Variants in GRM3 observed in about 807,000 individuals in gnomAD.
GRM3 encodes the protein glutamate metabotropic receptor 3.
A neutral mutation model predicts 70.5 loss-of-function variants in GRM3; 26 were observed. The ratio of observed to expected loss-of-function variants is 0.37; its 90% CI spans 0.27 to 0.51. The LOEUF (loss-of-function observed/expected upper bound fraction) is 0.51, where lower values mean the gene tolerates loss of function less well. GRM3 is among the 20% of genes least tolerant of loss of function. The pLI is 0.93. For synonymous variants in GRM3, 443 were observed against 434.9 expected (o/e 1.02, Z -0.23); for missense variants, 859 against 1,123.8 (o/e 0.76, Z 3.37).
intron 3 of GRM3, among the ~76,000 whole-genome samples, chr7:86,807,899 A>C (rs1797828947): frequency 6.6e-6 from 1 of 152,132 alleles, no homozygotes; most frequent in Non-Finnish European, 1.5e-5. Flanking sequence ...AATAGCTCTT[A>C]TTATTTTGAG....
chr7:86,648,013 C>A (rs1793517380), intron 1 of GRM3, among the ~76,000 whole-genome samples: 1 of 152,192 alleles, frequency 6.6e-6, no homozygotes, highest in African/African-American at 2.4e-5. Context: ...CTATTATAAA[C>A]CTTCTGGACT....
chr7:86,816,601 A>G (rs1798021256), intron 3 of GRM3, among the ~76,000 whole-genome samples: 1 of 151,878 alleles, frequency 6.6e-6, no homozygotes, highest in African/African-American at 2.4e-5. Context: ...ACCTCCATCC[A>G]TATTACTGCA....
At position 86,763,476 on chromosome 7, in the gene GRM3, T is replaced by C. The variant is rs115312513; in HGVS notation, c.-140-1530T>C. Among the ~76,000 whole-genome samples the C allele has an allele frequency of 6.9e-3, 1,049 of 152,258 alleles. 10 individuals carry two copies. Among genetic ancestry groups the C allele is most frequent in the African/African-American group, 0.024 (1,002 of 41,554 alleles). On this transcript the variant is annotated intron_variant, in intron 1 of 5. Transcript: ENST00000361669. ...GTCAAAGAATTCAACAGCAGGTACA[T>C]AGGTTCATGTGTGCATGCAACTAGA...
In GRM3 at chr7:86,786,215, T is replaced by A; in HGVS notation, c.469-46T>A. The A allele has an allele frequency of 6.5e-7, 1 of 1,542,486 alleles. No individual in the cohort carries two copies. Among genetic ancestry groups the A allele is most frequent in the South Asian group, 1.2e-5 (1 of 81,216 alleles). ...TATTATTCATTTTCATGTCCAGTCA[T>A]CTACCTCGGGGTTTCTAACAAAGGT... On this transcript the variant is annotated intron_variant, in intron 2 of 5. Coordinates refer to ENST00000361669, the MANE Select transcript of GRM3 (RefSeq NM_000840.3). This position sits in a 1 kb window ranked among gnomAD's most constrained non-coding sequence, Gnocchi z 6.0.
chr7:86,645,589 T>A (rs570447054), intron 1 of GRM3, among the ~76,000 whole-genome samples: 1 of 152,336 alleles, frequency 6.6e-6, no homozygotes, highest in South Asian at 2.1e-4. Context: ...GCTTGTTTCT[T>A]AAGGATTTCA....
chr7:86,713,044 A>G (rs577958464), intron 1 of GRM3, among the ~76,000 whole-genome samples: 3 of 151,972 alleles, frequency 2.0e-5, no homozygotes, highest in Admixed American at 6.6e-5. Flanking sequence ...TTTTTGAGGA[A>G]CCTCTATACT....
At chr7:86,775,390 A>G (rs571749648) in intron 2 of GRM3, 2 of 152,230 alleles carry the variant, frequency 1.3e-5, no homozygotes, top group African/African-American at 4.8e-5. Flanking sequence ...CTTTATATTT[A>G]TATTATCAAC....
intron 1 of GRM3, among the ~76,000 whole-genome samples, chr7:86,672,313 G>C (rs747127753): frequency 6.6e-6 from 1 of 152,106 alleles, no homozygotes; most frequent in South Asian, 2.1e-4. Context: ...CACAGATACT[G>C]CCTTGGCCCC....
chr7:86,688,806 C>G (rs1442111635), intron 1 of GRM3, among the ~76,000 whole-genome samples: 1 of 146,204 alleles, frequency 6.8e-6, no homozygotes, highest in Non-Finnish European at 1.5e-5. Context: ...ATATATCTCT[C>G]ACACATATGA....
chr7:86,691,448 A>G (rs1454671060), intron 1 of GRM3, among the ~76,000 whole-genome samples: 5 of 152,210 alleles, frequency 3.3e-5, no homozygotes, highest in Non-Finnish European at 7.3e-5. Context: ...TAACTCATCA[A>G]TGAGAGAACC....
Position 86,739,809 on chromosome 7 carries a change from A to G in GRM3, c.-140-25197A>G, listed in dbSNP as rs113890453. Among the ~76,000 whole-genome samples, 852 of 152,316 alleles carry G rather than the reference A, an allele frequency of 5.6e-3. 15 individuals carry two copies. Among genetic ancestry groups the G allele is most frequent in the African/African-American group, 0.019 (805 of 41,576 alleles). The stretch of plus-strand genomic sequence containing the variant: ...AAAATGTCCATTTAGAAGACAGGAA[A>G]GAAAGATTATCTAAGGCTCAAGAGT... On this transcript the variant is annotated intron_variant, in intron 1 of 5. Coordinates refer to ENST00000361669, the MANE Select transcript of GRM3 (RefSeq NM_000840.3).
chr7:86,768,489 T>C (rs897444060), intron 2 of GRM3, among the ~76,000 whole-genome samples: 3 of 152,150 alleles, frequency 2.0e-5, no homozygotes, highest in Non-Finnish European at 4.4e-5. Flanking sequence ...TGGTTATGGG[T>C]ACAATGTGCT....
chr7:86,785,685 A>ATTTTTTTTTTTTTTTTTTTTTTT (rs749456155), intron 2 of GRM3, among the ~76,000 whole-genome samples: 7 of 65,234 alleles, frequency 1.1e-4, no homozygotes, highest in East Asian at 6.5e-4. Context: ...AATAGAATTG[A>ATTTTTTTTTTTTTTTTTTTTTTT]TTTTTTTTTT....
intron 4 of GRM3, among the ~76,000 whole-genome samples, chr7:86,848,991 C>T (rs1798707791): frequency 6.6e-6 from 1 of 152,140 alleles, no homozygotes; most frequent in Non-Finnish European, 1.5e-5. Context: ...CCTCTCCTCA[C>T]CTCTTCTTGT....
In GRM3 at chr7:86,846,880, T is replaced by A. The variant is rs1187516221; in HGVS notation, c.2392-3490T>A. Among the ~76,000 whole-genome samples the A allele has an allele frequency of 3.3e-5, 5 of 152,298 alleles. No individual in the cohort carries two copies. In the South Asian group the frequency reaches 1.0e-3, roughly 32 times the overall value. On this transcript the variant is annotated intron_variant, in intron 4 of 5. Transcript: ENST00000361669. ...CCTCATTGTCAAAACTGTCAAAGAC[T>A]GTAGTGCCTGAGATTTTACTATACT...
At chr7:86,668,816 C>T (rs117040402) in intron 1 of GRM3, among the ~76,000 whole-genome samples, 62 of 152,224 alleles carry the variant, frequency 4.1e-4, no homozygotes, top group Non-Finnish European at 7.1e-4. Flanking sequence ...TTTGGTTGAT[C>T]ATCAGGTGGT....
At chr7:86,782,301 C>A (rs1010679137) in intron 2 of GRM3, among the ~76,000 whole-genome samples, 7 of 149,838 alleles carry the variant, frequency 4.7e-5, no homozygotes, top group East Asian at 3.9e-4. Context: ...TTACTGGGGA[C>A]AAACTCCATT....
At chr7:86,788,665 G>A (rs1306533314) in intron 3 of GRM3, among the ~76,000 whole-genome samples, 1 of 152,090 alleles carries the variant, frequency 6.6e-6, no homozygotes. Flanking sequence ...ATGGACCTTG[G>A]AGTCAGTAAA....
intron 1 of GRM3, among the ~76,000 whole-genome samples, chr7:86,753,963 G>A (rs144769596): frequency 3.9e-5 from 6 of 152,234 alleles, no homozygotes; most frequent in Non-Finnish European, 5.9e-5. Flanking sequence ...TGGTTTTTGA[G>A]AGATGGTACC....
Sources: gnomAD v4.1 joint callset for allele counts (sites outside exome capture counted in the v4.1 genomes callset) on GRCh38, gnomAD v4.1.1 for gene constraint, Gnocchi (gnomAD v3.1) non-coding constraint, MANE v1.5 for transcripts, NCBI Gene and HGNC (gene_info 2026-07-23, HGNC 2026-07-21) for gene names.